Variants in OPRM1 observed in about 807,000 individuals in gnomAD.
OPRM1 encodes the protein mu-type opioid receptor.
A neutral mutation model predicts 31.8 loss-of-function variants in OPRM1; 27 were observed. That is an observed-to-expected ratio of 0.85 (90% CI 0.63 to 1.17). The LOEUF (loss-of-function observed/expected upper bound fraction) is 1.17, where lower values mean the gene tolerates loss of function less well. Ranked by LOEUF, OPRM1 falls within the 50% of genes most tolerant of loss-of-function variation. The pLI is 0.00. For missense variants in OPRM1, 536 were observed against 511.1 expected (o/e 1.05, Z -0.47); for synonymous variants, 196 against 189.9 (o/e 1.03, Z -0.26).
intron 3 of OPRM1, among the ~76,000 whole-genome samples, chr6:154,142,859 A>G (rs930446054): frequency 1.3e-5 from 2 of 152,188 alleles, no homozygotes; most frequent in Non-Finnish European, 2.9e-5. Flanking sequence ...TTAGCCTTGC[A>G]GTCCATGGTT....
chr6:154,236,780 A>G (rs749347469), intron 3 of OPRM1, among the ~76,000 whole-genome samples: 4 of 152,134 alleles, frequency 2.6e-5, no homozygotes, highest in African/African-American at 9.7e-5. Context: ...GTTTGCCTAG[A>G]TTGTCAAGGA....
At chr6:154,072,736 C>A (rs1439349298) in intron 1 of OPRM1, among the ~76,000 whole-genome samples, 1 of 152,166 alleles carries the variant, frequency 6.6e-6, no homozygotes, top group Non-Finnish European at 1.5e-5. Flanking sequence ...TTTGAACCAA[C>A]TGAGAGATAA....
chr6:154,167,774 T>C (rs1485236508), intron 3 of OPRM1: 1 of 575,458 alleles, frequency 1.7e-6, no homozygotes, highest in East Asian at 2.8e-5. Flanking sequence ...GTCAAGATCA[T>C]CTTGCCCTAT....
intron 3 of OPRM1, among the ~76,000 whole-genome samples, chr6:154,241,172 G>T (rs1433252137): frequency 1.3e-5 from 2 of 149,514 alleles, no homozygotes; most frequent in Non-Finnish European, 3.0e-5. Flanking sequence ...GGAGGCGGAG[G>T]TTGCAGTGAG....
chr6:154,154,794 T>C (rs1798646489), intron 3 of OPRM1: 1 of 152,576 alleles, frequency 6.6e-6, no homozygotes, highest in African/African-American at 2.4e-5. Context: ...GAGCCATGCC[T>C]CTTTTTCAGT....
intron 3 of OPRM1, chr6:154,110,242 G>C: frequency 1.7e-6 from 1 of 578,610 alleles, no homozygotes; most frequent in East Asian, 3.2e-5. Context: ...GATATTACAA[G>C]AAAAAAATCT....
upstream of OPRM1, chr6:154,038,981 A>G: frequency 1.6e-6 from 1 of 633,888 alleles, no homozygotes; most frequent in Non-Finnish European, 2.5e-6. Context: ...TAGGGATGGA[A>G]GAGCATTGGG....
At chr6:154,076,827 C>T (rs1322807851) in intron 1 of OPRM1, among the ~76,000 whole-genome samples, 1 of 152,176 alleles carries the variant, frequency 6.6e-6, no homozygotes, top group Non-Finnish European at 1.5e-5. Context: ...TCTTCTCTAT[C>T]ATTTCCTTTC....
chr6:154,194,379 A>G (rs1776419075), intron 3 of OPRM1, among the ~76,000 whole-genome samples: 1 of 151,994 alleles, frequency 6.6e-6, no homozygotes, highest in South Asian at 2.1e-4. Context: ...AGCATGGGCA[A>G]CAAGAGTGAA....
intron 3 of OPRM1, among the ~76,000 whole-genome samples, chr6:154,215,330 C>T (rs944494213): frequency 1.3e-5 from 2 of 152,186 alleles, no homozygotes; most frequent in Middle Eastern, 3.4e-3. Context: ...AATTCAATGC[C>T]GGGAGCGGTG....
intron 3 of OPRM1, among the ~76,000 whole-genome samples, chr6:154,137,381 CTAAT>C (rs1431488976): frequency 6.6e-6 from 1 of 152,022 alleles, no homozygotes; most frequent in Non-Finnish European, 1.5e-5. Flanking sequence ...TTGTGCAAGA[CTAAT>C]AAATTATATT....
At chr6:154,098,764 T>G (rs1263538065) in intron 3 of OPRM1, among the ~76,000 whole-genome samples, 1 of 152,164 alleles carries the variant, frequency 6.6e-6, no homozygotes, top group East Asian at 1.9e-4. Flanking sequence ...AATGGCAAAA[T>G]TAATTTGGAG....
At chr6:154,109,866 A>C (rs1796158390) in intron 3 of OPRM1, among the ~76,000 whole-genome samples, 2 of 150,518 alleles carry the variant, frequency 1.3e-5, no homozygotes, top group East Asian at 3.9e-4. Flanking sequence ...TCTAAGCCAA[A>C]GTTCAGTTCT....
At chr6:154,108,772 T>G in intron 3 of OPRM1, 2 of 985,372 alleles carry the variant, frequency 2.0e-6, no homozygotes, top group Non-Finnish European at 2.4e-6. Context: ...CTTTATAAAC[T>G]TTTAATTGAC....
At chr6:154,204,564 G>T (rs1172629318) in intron 3 of OPRM1, among the ~76,000 whole-genome samples, 1 of 152,118 alleles carries the variant, frequency 6.6e-6, no homozygotes, top group Non-Finnish European at 1.5e-5. Context: ...CCTTGTAATA[G>T]TACACTCCTT....
intron 3 of OPRM1, among the ~76,000 whole-genome samples, chr6:154,110,117 T>C (rs1230979780): frequency 6.6e-6 from 1 of 152,174 alleles, no homozygotes; most frequent in East Asian, 1.9e-4. Flanking sequence ...AAATATATGC[T>C]CTAAATACTT....
At chr6:154,036,862 T>C (rs149323470), upstream of OPRM1, among the ~76,000 whole-genome samples, 7 of 152,084 alleles carry the variant, frequency 4.6e-5, no homozygotes, top group East Asian at 1.3e-3. Flanking sequence ...AATATTCATA[T>C]ATGTTTAATA....
At chr6:154,238,187 T>C (rs1240616414) in intron 3 of OPRM1, among the ~76,000 whole-genome samples, 4 of 152,186 alleles carry the variant, frequency 2.6e-5, no homozygotes, top group Non-Finnish European at 5.9e-5. Flanking sequence ...TTGTAAAACA[T>C]AGAAACAAAT....
At chr6:154,031,712 GC>G (rs1779017667) in intron 1 of OPRM1, among the ~76,000 whole-genome samples, 1 of 152,132 alleles carries the variant, frequency 6.6e-6, no homozygotes, top group Non-Finnish European at 1.5e-5. Context: ...TTGCACTCCA[GC>G]CTGGGTGACA....
Sources: allele counts gnomAD v4.1 joint callset (sites outside exome capture counted in the v4.1 genomes callset), GRCh38; gene constraint gnomAD v4.1.1; transcripts MANE v1.5; gene names NCBI Gene and HGNC (gene_info 2026-07-23, HGNC 2026-07-21).